The following RILPL1 variants were observed in gnomAD, a reference collection of about 807,000 sequenced individuals.
RILPL1 encodes Rab interacting lysosomal protein like 1, also known as RILP-like protein 1.
In RILPL1, 33 loss-of-function variants were observed where a neutral mutation model predicts 50.3. That is an observed-to-expected ratio of 0.66 (90% CI 0.50 to 0.88). The LOEUF (loss-of-function observed/expected upper bound fraction) is 0.88, where lower values mean the gene tolerates loss of function less well. Among genes scored for constraint, RILPL1 ranks in the 40% least tolerant of loss-of-function variants. The pLI is 0.00. For synonymous variants in RILPL1, 205 were observed against 228.6 expected (o/e 0.90, Z 0.93); for missense variants, 418 against 542.5 (o/e 0.77, Z 2.28).
At position 123,498,424 on chromosome 12, in the gene RILPL1, T is replaced by C. The variant is rs966433504; in HGVS notation, c.801+120A>G. The stretch of plus-strand genomic sequence containing the variant: ...TTTGTAGAGAATTGGGGTCTTGCTA[T>C]GTTGCCCAGGTTGGCCATTTTCTGA... On this transcript the variant is annotated intron_variant, in intron 4 of 6. Transcript: ENST00000376874. The surrounding 1 kb of genome is among the most constrained non-coding windows in gnomAD (Gnocchi z 4.3). The C allele has an allele frequency of 7.0e-5, 57 of 815,494 alleles. No individual in the cohort carries two copies. Among genetic ancestry groups the C allele is most frequent in the Non-Finnish European group, 1.0e-4 (51 of 505,224 alleles). 50.5% of individuals were successfully genotyped at this position (815,494 alleles called of 1,614,324 possible). A position where few individuals can be genotyped will look rare whatever the true frequency, so the allele number is the denominator to read the frequency against.
At chr12:123,487,423 C>A (rs1882415641) in intron 4 of RILPL1, among the ~76,000 whole-genome samples, 1 of 152,198 alleles carries the variant, frequency 6.6e-6, no homozygotes, top group Non-Finnish European at 1.5e-5. Flanking sequence ...CCGCCTCAGC[C>A]TCCCGAGTAG....
chr12:123,499,551 G>A lies in RILPL1; in HGVS notation c.461-15C>T, dbSNP rs76019564. The stretch of plus-strand genomic sequence containing the variant: ...CTCTGACATGCCTGGGTGGGCAAGT[G>A]AGACCGGCAGGTGAGCCCGCCTTAC... On this transcript the variant is annotated splice_polypyrimidine_tract_variant and intron_variant, in intron 2 of 6. Coordinates refer to ENST00000376874, the MANE Select transcript of RILPL1 (RefSeq NM_178314.5). 5,919 of 1,585,408 alleles carry A rather than the reference G, an allele frequency of 3.7e-3. 207 individuals carry two copies. The African/African-American group carries it at 0.071, about 19-fold the overall frequency.
Position 123,515,814 on chromosome 12 carries a change from C to A in RILPL1, c.460+7681G>T, listed in dbSNP as rs141325502. Among the ~76,000 whole-genome samples the A allele has an allele frequency of 8.5e-3, 1,286 of 151,024 alleles. 17 individuals are homozygous for A. Among genetic ancestry groups the A allele is most frequent in the Non-Finnish European group, 0.013 (859 of 67,568 alleles). ...CTTTGGGAGGGTTAGGGGGGCAGAT[C>A]ACCTGAGGTCGGGAGTTCAAGACCA... On this transcript the variant is annotated intron_variant, in intron 2 of 6. Transcript: ENST00000376874.
chr12:123,478,373 G>T (rs1268430635), intron 6 of RILPL1, among the ~76,000 whole-genome samples: 2 of 152,050 alleles, frequency 1.3e-5, no homozygotes, highest in Non-Finnish European at 2.9e-5. Context: ...CCCTGCGGAA[G>T]CCATCTCCTC....
intron 2 of RILPL1, among the ~76,000 whole-genome samples, chr12:123,517,022 C>T (rs57354242): frequency 2.6e-5 from 4 of 151,982 alleles, no homozygotes; most frequent in African/African-American, 9.7e-5. Flanking sequence ...GAGCCAAGAT[C>T]GCACCACTGC....
intron 4 of RILPL1, among the ~76,000 whole-genome samples, chr12:123,490,991 C>T (rs1049910460): frequency 4.6e-5 from 7 of 152,156 alleles, no homozygotes; most frequent in Non-Finnish European, 1.0e-4. Flanking sequence ...CTCAGGTGAT[C>T]CGCCTGCCTC....
chr12:123,525,713 A>AG (rs1166936241), intron 1 of RILPL1, among the ~76,000 whole-genome samples: 1 of 129,994 alleles, frequency 7.7e-6, no homozygotes, highest in Non-Finnish European at 1.7e-5. Flanking sequence ...AAAAAAAAAA[A>AG]AAAAAAAAAA....
intron 6 of RILPL1, among the ~76,000 whole-genome samples, chr12:123,481,140 T>G (rs997177537): frequency 1.3e-5 from 2 of 152,084 alleles, no homozygotes; most frequent in African/African-American, 4.8e-5. Context: ...GTGGATCACC[T>G]GAAGTCAGGA....
intron 1 of RILPL1, among the ~76,000 whole-genome samples, chr12:123,531,907 AGAGTGACCTCG>A (rs890635354): frequency 4.6e-5 from 7 of 152,178 alleles, no homozygotes; most frequent in African/African-American, 1.7e-4. Context: ...TCAGGCTCCC[AGAGTGACCTCG>A]GAAATGCTGC....
intron 2 of RILPL1, among the ~76,000 whole-genome samples, chr12:123,500,015 T>G (rs1883272744): frequency 6.6e-6 from 1 of 150,974 alleles, no homozygotes; most frequent in Non-Finnish European, 1.5e-5. Flanking sequence ...CACTGCAGGC[T>G]CCTCCTCCCG....
At chr12:123,478,445 A>G (rs1204209959) in intron 6 of RILPL1, among the ~76,000 whole-genome samples, 1 of 152,030 alleles carries the variant, frequency 6.6e-6, no homozygotes, top group African/African-American at 2.4e-5. Flanking sequence ...TGTCTTGAAT[A>G]TCCTGTAGCT....
At chr12:123,490,645 C>T (rs991939229) in intron 4 of RILPL1, among the ~76,000 whole-genome samples, 2 of 151,844 alleles carry the variant, frequency 1.3e-5, no homozygotes, top group African/African-American at 4.8e-5. Flanking sequence ...ACTTTGTTGC[C>T]CAGGCTGGTT....
rs147226698 is a variant in RILPL1 at position 123,498,616 on chromosome 12, C to A, written c.729G>T (p.Leu243=). ...LQTKEQEMGS[L]RAELGKLRER... is the part of the protein sequence containing the mutation. ...CTCGCAACTTCCCCAGCTCTGCTCG[C>A]AGGCTGCCCATCTCCTGCTCCTTGG... The change falls in exon 4 of 7, where the codon CTG becomes CTT. Residue 243 remains leucine, a synonymous_variant. Coordinates refer to ENST00000376874, the MANE Select transcript of RILPL1 (RefSeq NM_178314.5). This position sits in a 1 kb window ranked among gnomAD's most constrained non-coding sequence, Gnocchi z 4.3. The A allele has an allele frequency of 1.3e-3, 2,021 of 1,613,782 alleles. 36 individuals are homozygous for A. In the Admixed American group the frequency reaches 0.026, roughly 21 times the overall value.
chr12:123,498,225 CTTT>C lies in RILPL1; in HGVS notation c.801+316_801+318del, dbSNP rs36160535. 6.8e-5 allele frequency among the ~76,000 whole-genome samples: 10 copies of C among 147,530 alleles called. No homozygotes were observed. Among genetic ancestry groups the C allele is most frequent in the Non-Finnish European group, 1.4e-4 (9 of 66,424 alleles). ...TCGTTTTTTCTCTCTCTCTCTCTCT[CTTT>C]TTTTTTTAGACAGGTCTGGCTCTGT... On this transcript the variant is annotated intron_variant, in intron 4 of 6. Transcript: ENST00000376874. This position sits in a 1 kb window ranked among gnomAD's most constrained non-coding sequence, Gnocchi z 4.3.
In RILPL1 at chr12:123,491,772, A is replaced by G. The variant is rs1212149410; in HGVS notation, c.802-5967T>C. Among the ~76,000 whole-genome samples the G allele has an allele frequency of 6.6e-6, 1 of 152,136 alleles. No individual in the cohort carries two copies. Among genetic ancestry groups the G allele is most frequent in the African/African-American group, 2.4e-5 (1 of 41,434 alleles). ...CACCTGTAATCCCAGCAGGAGGCCG[A>G]AGCAGGCGGATCATTTGAGGTCAAG... On this transcript the variant is annotated intron_variant, in intron 4 of 6. Coordinates refer to ENST00000376874, the MANE Select transcript of RILPL1 (RefSeq NM_178314.5). This position sits in a 1 kb window ranked among gnomAD's most constrained non-coding sequence, Gnocchi z 4.0.
At position 123,470,507 on chromosome 12, in the gene RILPL1, G is replaced by T; in HGVS notation, c.*2031C>A. 6.5e-6 allele frequency: 1 copy of T among 153,790 alleles called. No homozygotes were observed. The highest frequency in any genetic ancestry group is 1.4e-5 in the Non-Finnish European group (1 of 69,852). 9.5% of individuals were successfully genotyped at this position (153,790 alleles called of 1,614,324 possible). A position where few individuals can be genotyped will look rare whatever the true frequency, so the allele number is the denominator to read the frequency against. ...AAAAAAAAAAAAGGCCAGCCACAGT[G>T]GCTCACACCTGTAATCCCAGCACTT... On this transcript the variant is annotated 3_prime_UTR_variant, in exon 7 of 7. Coordinates refer to ENST00000376874, the MANE Select transcript of RILPL1 (RefSeq NM_178314.5).
intron 6 of RILPL1, among the ~76,000 whole-genome samples, chr12:123,481,718 G>A (rs1241255852): frequency 1.3e-5 from 2 of 150,302 alleles, no homozygotes; most frequent in African/African-American, 2.4e-5. Context: ...CACCACGCCC[G>A]GCTGATTTTT....
chr12:123,479,371 G>A (rs1027482056), intron 6 of RILPL1, among the ~76,000 whole-genome samples: 1 of 152,154 alleles, frequency 6.6e-6, no homozygotes, highest in Non-Finnish European at 1.5e-5. Context: ...ACAGTGGGAA[G>A]CAGAGCTGAA....
chr12:123,498,579 C>T lies in RILPL1; in HGVS notation c.766G>A (p.Gly256Arg), dbSNP rs1566125078. 2 of 1,613,656 alleles carry T rather than the reference C, an allele frequency of 1.2e-6. No individual in the cohort carries two copies. Among genetic ancestry groups the T allele is most frequent in the Non-Finnish European group, 1.7e-6 (2 of 1,179,876 alleles). ...TCCTCCCCATTCTGGCTGTGCTCCC[C>T]CTGCAGCCTCTCTCGCAACTTCCCC... is the stretch of plus-strand genomic sequence containing the variant. ...ELGKLRERLQ[G>R]EHSQNGEEEP... Residue 256 changes from glycine to arginine, a missense_variant, in exon 4 of 7, where the codon GGG (glycine) becomes AGG (arginine). Gly to Arg is a moderately radical substitution (Grantham distance 125). Coordinates refer to ENST00000376874, the MANE Select transcript of RILPL1 (RefSeq NM_178314.5). This position sits in a 1 kb window ranked among gnomAD's most constrained non-coding sequence, Gnocchi z 4.3.
Sources: gnomAD v4.1 joint callset for allele counts (sites outside exome capture counted in the v4.1 genomes callset) on GRCh38, gnomAD v4.1.1 for gene constraint, Gnocchi (gnomAD v3.1) non-coding constraint, MANE v1.5 for transcripts, NCBI Gene and HGNC (gene_info 2026-07-23, HGNC 2026-07-21) for gene names.